The following ZDHHC8 variants were observed in gnomAD, a reference collection of about 807,000 sequenced individuals.
ZDHHC8 encodes zDHHC palmitoyltransferase 8.
In ZDHHC8, 24 loss-of-function variants were observed where a neutral mutation model predicts 61.2. The ratio of observed to expected loss-of-function variants is 0.39; its 90% confidence interval spans 0.28 to 0.55. ZDHHC8 has a LOEUF of 0.55. Among genes scored for constraint, ZDHHC8 ranks in the 20% least tolerant of loss-of-function variants. ZDHHC8 has a pLI of 0.60. For synonymous variants in ZDHHC8, 523 were observed against 492.5 expected, an observed-to-expected ratio of 1.06 and a Z score of -0.82; for missense variants, 935 against 1,102.1, an observed-to-expected ratio of 0.85 and a Z score of 2.15.
rs2091111338 is a variant in ZDHHC8, at chr22:20,145,598, G to A, written c.*198G>A. The A allele has an allele frequency of 8.0e-7, 1 of 1,244,616 alleles. No individual in the cohort carries two copies. The highest frequency in any genetic ancestry group is 1.6e-5 in the African/African-American group (1 of 63,922). The allele number at this position is 1,244,616 out of a possible 1,614,324, so 77.1% of individuals were successfully genotyped here. A position where few individuals can be genotyped will look rare whatever the true frequency, so the allele number is the denominator to read the frequency against. ...GCCCGTCCACTCATCTGCCCATGGG[G>A]AAGTCGGCTCACTGGGACAAGGGCC... On this transcript the variant is annotated 3_prime_UTR_variant, in exon 11 of 11. Transcript: ENST00000334554.
In ZDHHC8 at chr22:20,140,890, C is replaced by T. The variant is rs374745817; in HGVS notation, c.772C>T (p.Arg258Trp). ...GTGCAGGTACGTGGTGGAGCCACCC[C>T]GGCTGCCGCTCGCGGTGAGTTTGAA... ...LAPRYVVEPP[R>W]LPLAVSLKPP... is the part of the protein sequence containing the mutation. Residue 258 changes from arginine to tryptophan, a missense_variant, in exon 7 of 11, where the codon CGG becomes TGG. By Grantham distance (101) the Arg-to-Trp change is moderately radical. Around this residue, in one of 3 missense-constraint regions of ZDHHC8, gnomAD observed 692 missense variants for 731.4 expected, o/e 0.95. Transcript: ENST00000334554. The T allele has an allele frequency of 8.7e-6, 14 of 1,603,472 alleles. No individual in the cohort carries two copies. The highest frequency in any genetic ancestry group is 4.0e-5 in the African/African-American group (3 of 74,942).
In ZDHHC8 at chr22:20,143,639, G is replaced by T. The variant is rs879061029; in HGVS notation, c.2009G>T (p.Arg670Leu). The change falls in exon 10 of 11, where the codon CGC (arginine) becomes CTC (leucine). Residue 670 changes from arginine to leucine, a missense_variant. Arg to Leu is a moderately radical substitution (Grantham distance 102). Coordinates refer to ENST00000334554, the MANE Select transcript of ZDHHC8 (RefSeq NM_013373.4). The part of the protein sequence containing the change: ...PSSGSHRSPA[R>L]QGLPSPPGTP... ...AGTGGCTCACACAGGTCACCTGCAC[G>T]CCAGGGCCTGCCCTCCCCGCCCGGC... is the stretch of plus-strand genomic sequence containing the variant. 1.9e-6 allele frequency: 3 copies of T among 1,605,830 alleles called. No individual in the cohort carries two copies. Among genetic ancestry groups the T allele is most frequent in the Non-Finnish European group, 2.5e-6 (3 of 1,179,054 alleles).
Position 20,141,277 on chromosome 22 carries a change from C to A in ZDHHC8, c.955C>A (p.Pro319Thr). ...ACTGGACTTGGGGCCACCACTGCCC[C>A]CCAAGATAGAGGCTGGCACGTTCAG... ...KPLDLGPPLP[P>T]KIEAGTFSSD... Residue 319 changes from proline (P) to threonine (T), a missense_variant, in exon 8 of 11, where the codon CCC becomes ACC. Pro to Thr is a conservative substitution (Grantham distance 38). Transcript: ENST00000334554. The A allele has an allele frequency of 1.9e-6, 3 of 1,612,908 alleles. No individual in the cohort carries two copies. Among genetic ancestry groups the A allele is most frequent in the Non-Finnish European group, 8.5e-7 (1 of 1,179,954 alleles).
At position 20,139,763 on chromosome 22, in the gene ZDHHC8, G is replaced by A. The variant is rs1365740621; in HGVS notation, c.428G>A (p.Arg143His). The stretch of plus-strand genomic sequence containing the variant: ...CCCTGGGTCAACAACTGCATCGGGC[G>A]TCGAAACTATCGCTACTTCTTCCTG... The part of the protein sequence containing the change: ...HCPWVNNCIG[R>H]RNYRYFFLFL... The change falls in exon 4 of 11, where the codon CGT becomes CAT. Residue 143 changes from arginine to histidine, a missense_variant. Coordinates refer to ENST00000334554, the MANE Select transcript of ZDHHC8 (RefSeq NM_013373.4). 3 of 1,613,020 alleles carry A rather than the reference G, an allele frequency of 1.9e-6. No individual in the cohort carries two copies. Among genetic ancestry groups the A allele is most frequent in the Non-Finnish European group, 1.7e-6 (2 of 1,180,022 alleles).
chr22:20,144,804 C>T (rs1346719465), intron 10 of ZDHHC8, among the ~76,000 whole-genome samples: 2 of 151,960 alleles, frequency 1.3e-5, no homozygotes, highest in South Asian at 2.2e-4. Flanking sequence ...TGTTGGTCAG[C>T]GCTGGTGGGC....
intron 8 of ZDHHC8, 23 bp downstream of exon 8, chr22:20,141,360 T>A (rs1323489677): frequency 6.2e-7 from 1 of 1,611,406 alleles, no homozygotes; most frequent in South Asian, 1.1e-5. Context: ...CAGCCACGAC[T>A]AGGGAGGGAT....
Position 20,141,454 on chromosome 22 carries a change from C to T in ZDHHC8, c.1049C>T (p.Pro350Leu), listed in dbSNP as rs780121017. ...SALSVQRTSP[P>L]TPAMYKFRPA... ...CTGTCGGTGCAGAGGACCAGCCCCC[C>T]GACACCTGCCATGTACAAGTTTAGG... Residue 350 changes from proline (P) to leucine (L), a missense_variant, in exon 9 of 11, where the codon CCG (proline) becomes CTG (leucine). By Grantham distance (98) the Pro-to-Leu change is moderately conservative. Around this residue, in one of 3 missense-constraint regions of ZDHHC8, gnomAD observed 692 missense variants for 731.4 expected, o/e 0.95. Coordinates refer to ENST00000334554, the MANE Select transcript of ZDHHC8 (RefSeq NM_013373.4). 1.3e-5 allele frequency: 21 copies of T among 1,613,236 alleles called. No homozygotes were observed. The highest frequency in any genetic ancestry group is 8.3e-5 in the Admixed American group (5 of 59,992).
intron 1 of ZDHHC8, among the ~76,000 whole-genome samples, chr22:20,132,748 C>A (rs952178352): frequency 6.6e-6 from 1 of 152,254 alleles, no homozygotes; most frequent in Non-Finnish European, 1.5e-5. Flanking sequence ...GGACACTGGG[C>A]CCCTCCAGCC....
chr22:20,133,371 C>T (rs928461951), intron 1 of ZDHHC8, among the ~76,000 whole-genome samples: 10 of 151,778 alleles, frequency 6.6e-5, no homozygotes, highest in Non-Finnish European at 1.0e-4. Flanking sequence ...TGTCCTTGGG[C>T]GGGGGGTCTG....
At chr22:20,134,935 GTTGT>G (rs1043218204) in intron 1 of ZDHHC8, among the ~76,000 whole-genome samples, 5 of 151,980 alleles carry the variant, frequency 3.3e-5, no homozygotes, top group Admixed American at 2.0e-4. Flanking sequence ...GGATTTTGTT[GTTGT>G]TTGTTTGTTT....
Position 20,145,474 on chromosome 22 carries a change from C to G in ZDHHC8, c.*74C>G. On this transcript the variant is annotated 3_prime_UTR_variant, in exon 11 of 11. Coordinates refer to ENST00000334554, the MANE Select transcript of ZDHHC8 (RefSeq NM_013373.4). ...ACAGCGCACCCCCCCTCCCCACCAA[C>G]TTCTCTGCCCCAGGGACCCGAGGCC... 2 of 1,342,682 alleles carry G rather than the reference C, an allele frequency of 1.5e-6. No homozygotes were observed. The allele number at this position is 1,342,682 out of a possible 1,614,324, so 83.2% of individuals were successfully genotyped here.
At position 20,131,823 on chromosome 22, in the gene ZDHHC8, G is replaced by T. The variant is rs1315619981; in HGVS notation, c.-125G>T. 6 of 241,580 alleles carry T rather than the reference G, an allele frequency of 2.5e-5. No homozygotes were observed. The highest frequency in any genetic ancestry group is 3.9e-5 in the Non-Finnish European group (6 of 153,162). The allele number at this position is 241,580 out of a possible 1,614,324, so 15.0% of individuals were successfully genotyped here. The stretch of plus-strand genomic sequence containing the variant: ...CCGCCCGTGGGGTGGGATTTCCTCC[G>T]CCGCCGCCGCCGCCGCCGCCGCGGG... On this transcript the variant is annotated 5_prime_UTR_variant, in exon 1 of 11. Transcript: ENST00000334554.
intron 3 of ZDHHC8, 42 bp downstream of exon 3, chr22:20,139,677 C>T: frequency 6.2e-7 from 1 of 1,611,178 alleles, no homozygotes; most frequent in South Asian, 1.1e-5. Flanking sequence ...CCCTGTGCCA[C>T]ATCCCTGCCT....
Position 20,143,372 on chromosome 22 carries a change from C to A in ZDHHC8, c.1742C>A (p.Ala581Asp). 6.3e-7 allele frequency: 1 copy of A among 1,584,838 alleles called. No homozygotes were observed. Among genetic ancestry groups the A allele is most frequent in the Non-Finnish European group, 8.6e-7 (1 of 1,169,242 alleles). ...SLFGDSGVYD[A>D]PSSYSLQQAS... ...TTCGGCGACTCAGGCGTCTATGACG[C>A]TCCCAGCTCCTACAGCCTGCAGCAG... The change falls in exon 10 of 11, where the codon GCT becomes GAT. Residue 581 changes from alanine (A) to aspartate (D), a missense_variant. Physicochemically the swap from Ala to Asp is moderately radical, Grantham distance 126 (BLOSUM62 -2). Coordinates refer to ENST00000334554, the MANE Select transcript of ZDHHC8 (RefSeq NM_013373.4).
chr22:20,140,841 C>A, intron 6 of ZDHHC8, 30 bp from the exon 7 acceptor site: 1 of 1,586,746 alleles, frequency 6.3e-7, no homozygotes, highest in Middle Eastern at 2.1e-4. Flanking sequence ...GGCAGGTGGG[C>A]TGGCTACTGA....
Position 20,146,598 on chromosome 22 carries a change from A to G in ZDHHC8, c.*1198A>G, listed in dbSNP as rs2050527253. On this transcript the variant is annotated 3_prime_UTR_variant, in exon 11 of 11. Transcript: ENST00000334554. ...GGGTTCCTCAGGGGCATTTCTGCCG[A>G]CTTGGGCTGAGTCAGAGGCTTGGGA... 1 of 997,668 alleles carries G rather than the reference A, an allele frequency of 1.0e-6. No individual in the cohort carries two copies. Among genetic ancestry groups the G allele is most frequent in the Non-Finnish European group, 1.2e-6 (1 of 838,654 alleles). The allele number at this position is 997,668 out of a possible 1,614,324, so 61.8% of individuals were successfully genotyped here. A position where few individuals can be genotyped will look rare whatever the true frequency, so the allele number is the denominator to read the frequency against.
At chr22:20,139,128 T>G (rs1182488023) in intron 1 of ZDHHC8, 66 bp from the exon 2 acceptor site, 25 of 1,565,020 alleles carry the variant, frequency 1.6e-5, no homozygotes, top group Non-Finnish European at 1.9e-5. Flanking sequence ...CCGCACCACA[T>G]AGCTCTGCGC....
rs565550765 is a variant in ZDHHC8 at position 20,137,349 on chromosome 22, C to A, written c.105-1845C>A. 1.4e-4 allele frequency among the ~76,000 whole-genome samples: 21 copies of A among 152,348 alleles called. No homozygotes were observed. The East Asian group carries it at 3.3e-3, about 24-fold the overall frequency. On this transcript the variant is annotated intron_variant, in intron 1 of 10. Transcript: ENST00000334554. Reference sequence around the variant, plus strand: ...CCCGCCTGCCTGATGGGCGAACACACCCCCAAGGCCCCCGTTAGGGCCAGG... The same window carrying A: ...CCCGCCTGCCTGATGGGCGAACACAACCCCAAGGCCCCCGTTAGGGCCAGG...
chr22:20,140,879 T>C lies in ZDHHC8; in HGVS notation c.761T>C (p.Val254Ala), dbSNP rs147362841. 2,633 of 1,601,876 alleles carry C rather than the reference T, an allele frequency of 1.6e-3. 6 individuals carry two copies. The highest frequency in any genetic ancestry group is 2.0e-3 in the Non-Finnish European group (2,380 of 1,179,886). ...CCTGTGCCCTGGTGCAGGTACGTGGTGGAGCCACCCCGGCTGCCGCTCGCG... is the reference window on the plus strand; with the variant it reads ...CCTGTGCCCTGGTGCAGGTACGTGGCGGAGCCACCCCGGCTGCCGCTCGCG... Reference protein sequence around the residue: ...LCSPLAPRYVVEPPRLPLAVS... With the variant: ...LCSPLAPRYVAEPPRLPLAVS... Residue 254 changes from valine (V) to alanine (A), a missense_variant, in exon 7 of 11, where the codon GTG (valine) becomes GCG (alanine). Transcript: ENST00000334554.
Sources: allele counts gnomAD v4.1 joint callset (sites outside exome capture counted in the v4.1 genomes callset), GRCh38; gene constraint gnomAD v4.1.1; regional missense constraint gnomAD v4.1.1; transcripts MANE v1.5; gene names NCBI Gene and HGNC (gene_info 2026-07-23, HGNC 2026-07-21).